PLEKHA2: variants seen among roughly 807,000 people sequenced by gnomAD.
PLEKHA2 encodes pleckstrin homology domain-containing family A member 2.
In PLEKHA2, 28 loss-of-function variants were observed where a neutral mutation model predicts 53.2. The ratio of observed to expected loss-of-function variants is 0.53; its 90% CI spans 0.39 to 0.72. The LOEUF (loss-of-function observed/expected upper bound fraction) is 0.72, where lower values mean the gene tolerates loss of function less well. PLEKHA2 is among the 30% of genes least tolerant of loss of function. The pLI is 0.00. For synonymous variants in PLEKHA2, 193 were observed against 196.4 expected (o/e 0.98, Z 0.14); for missense variants, 426 against 537.9 (o/e 0.79, Z 2.06).
At chr8:38,960,567 AGC>A (rs1835023766) in intron 10 of PLEKHA2, among the ~76,000 whole-genome samples, 1 of 152,252 alleles carries the variant, frequency 6.6e-6, no homozygotes, top group Non-Finnish European at 1.5e-5. Flanking sequence ...TCTAAAAAAT[AGC>A]AAGAATAGTA....
In PLEKHA2 at chr8:38,969,472, C is replaced by T. The variant is rs773441680; in HGVS notation, c.967C>T (p.Leu323Phe). Residue 323 changes from leucine (L) to phenylalanine (F), a missense_variant, in exon 12 of 12, where the codon CTT (leucine) becomes TTT (phenylalanine). Coordinates refer to ENST00000617275, the MANE Select transcript of PLEKHA2 (RefSeq NM_021623.2). Reference sequence around the variant, plus strand: ...TTTGACCCGACCTGGAAGCTCCAGCCTTTCAAGTGGGCCCAACTCTATCCT... The same window carrying T: ...TTTGACCCGACCTGGAAGCTCCAGCTTTTCAAGTGGGCCCAACTCTATCCT... ...ISLTRPGSSS[L>F]SSGPNSILCR... 4 of 1,613,896 alleles carry T rather than the reference C, an allele frequency of 2.5e-6. No homozygotes were observed. The African/African-American group carries it at 4.0e-5, about 16-fold the overall frequency.
chr8:38,954,314 CTA>C (rs1834897159), intron 9 of PLEKHA2, among the ~76,000 whole-genome samples: 1 of 152,096 alleles, frequency 6.6e-6, no homozygotes, highest in African/African-American at 2.4e-5. Flanking sequence ...TTCCCAGTGA[CTA>C]TTTATAATTC....
chr8:38,934,550 G>T (rs1234226016), intron 2 of PLEKHA2, among the ~76,000 whole-genome samples: 3 of 152,096 alleles, frequency 2.0e-5, no homozygotes, highest in Non-Finnish European at 2.9e-5. Flanking sequence ...TTCACAGGGG[G>T]ATGGTCTGCA....
At chr8:38,949,182 G>C (rs1834777055) in intron 5 of PLEKHA2, among the ~76,000 whole-genome samples, 1 of 151,644 alleles carries the variant, frequency 6.6e-6, no homozygotes, top group African/African-American at 2.4e-5. Flanking sequence ...ACATTCAGCT[G>C]TTAATCCTGG....
rs141863398 is a variant in PLEKHA2, at chr8:38,926,914, T to C, written c.141+8844T>C. Among the ~76,000 whole-genome samples the C allele has an allele frequency of 6.2e-3, 940 of 152,126 alleles. 6 individuals carry two copies. The highest frequency in any genetic ancestry group is 9.8e-3 in the Non-Finnish European group (668 of 67,980). ...TGGGTAACAAGAGCGAGACTCCATC[T>C]CAAAAAAAACCAACCAACCAAACAA... is the stretch of plus-strand genomic sequence containing the variant. On this transcript the variant is annotated intron_variant, in intron 2 of 11. Transcript: ENST00000617275.
chr8:38,928,236 C>CTTTTTTTTTTT (rs11414317), intron 2 of PLEKHA2, among the ~76,000 whole-genome samples: 2 of 110,130 alleles, frequency 1.8e-5, no homozygotes, highest in Non-Finnish European at 3.5e-5. Flanking sequence ...CTGACCTGGT[C>CTTTTTTTTTTT]TTTTTTTTTT....
chr8:38,934,668 A>G (rs1834459104), intron 2 of PLEKHA2, among the ~76,000 whole-genome samples: 1 of 152,146 alleles, frequency 6.6e-6, no homozygotes, highest in Admixed American at 6.6e-5. Context: ...AGAAAGCCAA[A>G]GATGGTGTGC....
chr8:38,958,852 A>G (rs1198922571), intron 10 of PLEKHA2, among the ~76,000 whole-genome samples: 3 of 152,144 alleles, frequency 2.0e-5, no homozygotes, highest in Non-Finnish European at 1.5e-5. Context: ...AACCCAAGAG[A>G]GAGAGAGCTC....
intron 9 of PLEKHA2, among the ~76,000 whole-genome samples, chr8:38,953,959 T>G (rs1235707330): frequency 4.6e-5 from 7 of 152,234 alleles, no homozygotes; most frequent in African/African-American, 1.7e-4. Flanking sequence ...AGGATGAGTT[T>G]GGGACCTGGC....
At position 38,968,579 on chromosome 8, in the gene PLEKHA2, G is replaced by A. The variant is rs1310898494; in HGVS notation, c.838-13G>A. 3.7e-6 allele frequency: 6 copies of A among 1,613,808 alleles called. No homozygotes were observed. Among genetic ancestry groups the A allele is most frequent in the South Asian group, 3.3e-5 (3 of 91,054 alleles). On this transcript the variant is annotated splice_polypyrimidine_tract_variant and intron_variant, in intron 10 of 11. Coordinates refer to ENST00000617275, the MANE Select transcript of PLEKHA2 (RefSeq NM_021623.2). ...CCTAAAATTTCTTGGTAAGAGCCAT[G>A]GATGTTTTGCAGGCAGACAGTCCAG...
intron 1 of PLEKHA2, among the ~76,000 whole-genome samples, chr8:38,906,150 G>T (rs112833302): frequency 0.031 from 4,767 of 152,328 alleles, 238 homozygotes; most frequent in African/African-American, 0.11. Context: ...TCACAATTCT[G>T]AAAGTTGGAG....
Position 38,922,620 on chromosome 8 carries a change from CAGA to C in PLEKHA2, c.141+4554_141+4556del, listed in dbSNP as rs1212426005. Reference sequence around the variant, plus strand: ...TAATTATTTAATAGGCAGTAATAAGCAGAAGATTTTTGGACCCAGGTCTCCGAT... The same window carrying C: ...TAATTATTTAATAGGCAGTAATAAGCAGATTTTTGGACCCAGGTCTCCGAT... On this transcript the variant is annotated intron_variant, in intron 2 of 11. Coordinates refer to ENST00000617275, the MANE Select transcript of PLEKHA2 (RefSeq NM_021623.2). The surrounding 1 kb of genome is among the most constrained non-coding windows in gnomAD (Gnocchi z 4.0). 3.9e-5 allele frequency among the ~76,000 whole-genome samples: 6 copies of C among 152,304 alleles called. No individual in the cohort carries two copies. Among genetic ancestry groups the C allele is most frequent in the African/African-American group, 1.4e-4 (6 of 41,568 alleles).
intron 3 of PLEKHA2, among the ~76,000 whole-genome samples, chr8:38,940,529 T>C (rs1834586729): frequency 1.3e-5 from 2 of 151,956 alleles, no homozygotes; most frequent in African/African-American, 4.8e-5. Flanking sequence ...CCAGGAGTTA[T>C]GGACCAGAGG....
At chr8:38,912,393 G>A (rs1833967095) in intron 1 of PLEKHA2, among the ~76,000 whole-genome samples, 1 of 152,210 alleles carries the variant, frequency 6.6e-6, no homozygotes, top group African/African-American at 2.4e-5. Context: ...CTTTGCCTTG[G>A]TCTTGGCAGG....
intron 1 of PLEKHA2, among the ~76,000 whole-genome samples, chr8:38,908,488 A>G (rs1833911404): frequency 6.6e-6 from 1 of 152,254 alleles, no homozygotes; most frequent in Non-Finnish European, 1.5e-5. Flanking sequence ...ATCAGATTCA[A>G]AACTTATACA....
At position 38,936,047 on chromosome 8, in the gene PLEKHA2, G is replaced by A. The variant is rs754560259; in HGVS notation, c.195G>A (p.Ser65=). Residue 65 remains serine, a synonymous_variant, in exon 3 of 12, where the codon TCG becomes TCA. Transcript: ENST00000617275. ...GAGCTTTGCAGCTGACCTACATCTC[G>A]AAGGTAATGTTGACCTGGAACTCTG... The part of the protein sequence containing the change: ...AVGALQLTYI[S]KVSIATPKQK... 8.1e-6 allele frequency: 13 copies of A among 1,613,284 alleles called. No homozygotes were observed. The South Asian group carries it at 9.9e-5, about 12-fold the overall frequency.
chr8:38,920,285 G>A (rs1461828059), intron 2 of PLEKHA2, among the ~76,000 whole-genome samples: 2 of 152,086 alleles, frequency 1.3e-5, no homozygotes, highest in Non-Finnish European at 2.9e-5. Context: ...CGAGTAGTTG[G>A]GACTACAGGC....
At chr8:38,938,537 C>G (rs772996807) in intron 3 of PLEKHA2, among the ~76,000 whole-genome samples, 8 of 152,366 alleles carry the variant, frequency 5.3e-5, no homozygotes, top group African/African-American at 1.9e-4. Flanking sequence ...CGTGCCTGGC[C>G]GCTGACGAGC....
intron 2 of PLEKHA2, among the ~76,000 whole-genome samples, chr8:38,929,344 A>G (rs1352442694): frequency 6.6e-6 from 1 of 152,188 alleles, no homozygotes; most frequent in Non-Finnish European, 1.5e-5. Flanking sequence ...AGCCAGTTGG[A>G]CAAGTTCCTG....
Sources: allele counts gnomAD v4.1 joint callset (sites outside exome capture counted in the v4.1 genomes callset), GRCh38; gene constraint gnomAD v4.1.1; non-coding constraint Gnocchi (gnomAD v3.1); transcripts MANE v1.5; gene names NCBI Gene and HGNC (gene_info 2026-07-23, HGNC 2026-07-21).